Variants in TAFA2 observed in about 807,000 individuals in gnomAD.
TAFA2 encodes TAFA chemokine like family member 2, also known as chemokine-like protein TAFA-2.
A neutral mutation model predicts 18.8 loss-of-function variants in TAFA2; 7 were observed. The ratio of observed to expected loss-of-function variants is 0.37; its 90% CI spans 0.21 to 0.70. The LOEUF (loss-of-function observed/expected upper bound fraction) is 0.70, where lower values mean the gene tolerates loss of function less well. TAFA2 is among the 30% of genes least tolerant of loss of function. The pLI is 0.53. For missense variants in TAFA2, 122 were observed against 158.1 expected (o/e 0.77, Z 1.23); for synonymous variants, 60 against 54.2 (o/e 1.11, Z -0.47).
At chr12:61,920,875 G>T (rs944883767) in intron 1 of TAFA2, among the ~76,000 whole-genome samples, 1 of 151,788 alleles carries the variant, frequency 6.6e-6, no homozygotes, top group African/African-American at 2.4e-5. Context: ...GGAACAAGTA[G>T]GGAGTTGTCA....
rs575626230 is a variant in TAFA2 at position 61,883,752 on chromosome 12, T to C, written c.-1-16326A>G. ...TCCAAGTTTGAGTCTAATGATGTAT[T>C]CACCCAAATCAGGTTCTATGAACTG... On this transcript the variant is annotated intron_variant, in intron 1 of 4. Coordinates refer to ENST00000416284, the MANE Select transcript of TAFA2 (RefSeq NM_178539.5). Among the ~76,000 whole-genome samples the C allele has an allele frequency of 3.5e-4, 53 of 152,298 alleles. 1 individual carries two copies. Among genetic ancestry groups the C allele is most frequent in the African/African-American group, 1.2e-3 (50 of 41,574 alleles).
Position 61,800,215 on chromosome 12 carries a change from C to T in TAFA2, c.107-45191G>A, listed in dbSNP as rs546015237. Among the ~76,000 whole-genome samples, 4 of 152,250 alleles carry T rather than the reference C, an allele frequency of 2.6e-5. No homozygotes were observed. In the East Asian group the frequency reaches 5.8e-4, roughly 22 times the overall value. ...TATGTGCCAGATATAATGTTAATCA[C>T]TTTTATGTACAATACCACTTTTAAT... On this transcript the variant is annotated intron_variant, in intron 2 of 4. Coordinates refer to ENST00000416284, the MANE Select transcript of TAFA2 (RefSeq NM_178539.5).
chr12:62,118,355 C>T lies in TAFA2; in HGVS notation c.-2+72904G>A, dbSNP rs567530343. Among the ~76,000 whole-genome samples, 75 of 152,164 alleles carry T rather than the reference C, an allele frequency of 4.9e-4. No individual in the cohort carries two copies. The South Asian group carries it at 6.4e-3, about 13-fold the overall frequency. On this transcript the variant is annotated intron_variant, in intron 1 of 4. Transcript: ENST00000416284. ...GTCATATTTTAATGTGAATATACCA[C>T]AGTTTATTCATCCACTCTCCTACTG...
intron 1 of TAFA2, among the ~76,000 whole-genome samples, chr12:62,257,062 G>A (rs2062942843): frequency 6.6e-6 from 1 of 151,968 alleles, no homozygotes; most frequent in South Asian, 2.1e-4. Context: ...GACAGGAAGA[G>A]TTGAGAAATA....
intron 1 of TAFA2, among the ~76,000 whole-genome samples, chr12:62,152,443 A>G (rs528254537): frequency 6.6e-6 from 1 of 152,216 alleles, no homozygotes; most frequent in Non-Finnish European, 1.5e-5. Flanking sequence ...GATTTTACTT[A>G]TGCATGGATT....
intron 4 of TAFA2, among the ~76,000 whole-genome samples, chr12:61,745,651 T>C (rs979966009): frequency 1.3e-5 from 2 of 152,154 alleles, no homozygotes; most frequent in Non-Finnish European, 2.9e-5. Flanking sequence ...CCATGTGGTA[T>C]GCAGAATTCC....
intron 1 of TAFA2, among the ~76,000 whole-genome samples, chr12:62,065,701 C>T (rs752996196): frequency 2.7e-5 from 4 of 150,266 alleles, no homozygotes; most frequent in African/African-American, 9.7e-5. Context: ...GATAAAAATT[C>T]TGTGTGTGTG....
chr12:62,121,326 T>C (rs1870187051), intron 1 of TAFA2, among the ~76,000 whole-genome samples: 1 of 152,126 alleles, frequency 6.6e-6, no homozygotes, highest in Non-Finnish European at 1.5e-5. Context: ...TTAAAAAGTA[T>C]AGTGCCACAA....
chr12:62,035,553 A>AT, intron 1 of TAFA2, among the ~76,000 whole-genome samples: 1 of 141,762 alleles, frequency 7.1e-6, no homozygotes, highest in African/African-American at 2.9e-5. Flanking sequence ...AATAAAAAAA[A>AT]TTAAAAAAAA....
chr12:61,755,826 T>C (rs1438733731), intron 2 of TAFA2, among the ~76,000 whole-genome samples: 1 of 152,138 alleles, frequency 6.6e-6, no homozygotes, highest in African/African-American at 2.4e-5. Flanking sequence ...GATAAGATTC[T>C]AGTTTGTCTT....
intron 1 of TAFA2, among the ~76,000 whole-genome samples, chr12:62,000,272 GAGGAGCT>G (rs1880337090): frequency 8.5e-6 from 1 of 117,758 alleles, no homozygotes; most frequent in Admixed American, 1.1e-4. Context: ...ACTATATTAA[GAGGAGCT>G]CAAAGAAAGA....
chr12:61,968,315 A>G (rs1359574739), intron 1 of TAFA2, among the ~76,000 whole-genome samples: 1 of 151,708 alleles, frequency 6.6e-6, no homozygotes, highest in Non-Finnish European at 1.5e-5. Flanking sequence ...ATTCTCAATC[A>G]TTCTCCAAGC....
chr12:62,053,315 A>G (rs1882103978), intron 1 of TAFA2, among the ~76,000 whole-genome samples: 1 of 152,204 alleles, frequency 6.6e-6, no homozygotes, highest in African/African-American at 2.4e-5. Context: ...TGCTCTAAAT[A>G]CATATATTTA....
intron 1 of TAFA2, among the ~76,000 whole-genome samples, chr12:62,215,971 A>G (rs1292328943): frequency 1.3e-5 from 2 of 152,118 alleles, no homozygotes; most frequent in African/African-American, 2.4e-5. Flanking sequence ...GAGACCCTGT[A>G]TCACCATGGC....
rs536279181 is a variant in TAFA2, at chr12:61,916,081, C to G, written c.-1-48655G>C. On this transcript the variant is annotated intron_variant, in intron 1 of 4. Coordinates refer to ENST00000416284, the MANE Select transcript of TAFA2 (RefSeq NM_178539.5). ...TCTAAGCCAAGCCTAGGATCTTCAG[C>G]CTTTCGTCATAAGAAATGTCATGAA... Among the ~76,000 whole-genome samples the G allele has an allele frequency of 3.9e-5, 6 of 152,284 alleles. No homozygotes were observed. In the East Asian group the frequency reaches 7.7e-4, roughly 20 times the overall value.
At chr12:61,895,220 A>G (rs1012655149) in intron 1 of TAFA2, among the ~76,000 whole-genome samples, 1 of 152,182 alleles carries the variant, frequency 6.6e-6, no homozygotes, top group Non-Finnish European at 1.5e-5. Context: ...GACAATAAAA[A>G]TAGAATCATA....
chr12:62,062,342 G>C (rs1051436564), intron 1 of TAFA2, among the ~76,000 whole-genome samples: 2 of 152,156 alleles, frequency 1.3e-5, no homozygotes, highest in Admixed American at 6.5e-5. Flanking sequence ...TGCATCTGGA[G>C]GGGAACACTG....
intron 1 of TAFA2, among the ~76,000 whole-genome samples, chr12:61,885,785 C>T (rs2124540): frequency 0.017 from 2,591 of 152,294 alleles, 72 homozygotes; most frequent in African/African-American, 0.059. Context: ...CCTCCATTCA[C>T]GCCAGTGACG....
chr12:61,902,091 T>TAAAAAAAAAAAAAA (rs750989820), intron 1 of TAFA2, among the ~76,000 whole-genome samples: 5 of 116,442 alleles, frequency 4.3e-5, no homozygotes, highest in African/African-American at 1.8e-4. Context: ...GCAGGAATGT[T>TAAAAAAAAAAAAAA]AAAAAAAAAA....
Sources: gnomAD v4.1 joint callset for allele counts (sites outside exome capture counted in the v4.1 genomes callset) on GRCh38, gnomAD v4.1.1 for gene constraint, MANE v1.5 for transcripts, NCBI Gene and HGNC (gene_info 2026-07-23, HGNC 2026-07-21) for gene names.